ATXN7: variants seen among roughly 807,000 people sequenced by gnomAD.
ATXN7 encodes ataxin-7.
ATXN7 carries 12 observed loss-of-function variants against 70.5 expected under a neutral mutation model. That is an observed-to-expected ratio of 0.17 (90% confidence interval 0.11 to 0.28). The LOEUF (loss-of-function observed/expected upper bound fraction) is 0.28. ATXN7 is among the 10% of genes least tolerant of loss of function. ATXN7 has a pLI of 1.00. For missense variants in ATXN7, 1,256 were observed against 1,131.7 expected (o/e 1.11, Z -1.58); for synonymous variants, 498 against 448.7 (o/e 1.11, Z -1.39).
chr3:63,974,084 G>A (rs1427055739), intron 5 of ATXN7, among the ~76,000 whole-genome samples: 3 of 151,978 alleles, frequency 2.0e-5, no homozygotes, highest in East Asian at 3.9e-4. Flanking sequence ...GGGTTTCGTC[G>A]GAGACCCTCC....
rs919026295 is a variant in ATXN7, at chr3:63,912,708, A to C, written c.110A>C (p.Gln37Pro). The C allele has an allele frequency of 8.3e-7, 1 of 1,197,692 alleles. No homozygotes were observed. The highest frequency in any genetic ancestry group is 3.3e-5 in the South Asian group (1 of 30,412). 74.2% of individuals were successfully genotyped at this position (1,197,692 alleles called of 1,614,324 possible). Reference sequence around the variant, plus strand: ...CGGCAGCAGCAGCAGCAGCAGCAGCAGCAGCAGCCGCCGCCTCCGCAGCCC... The same window carrying C: ...CGGCAGCAGCAGCAGCAGCAGCAGCCGCAGCAGCCGCCGCCTCCGCAGCCC... ...AARQQQQQQQQQQPPPPQPQR... is the reference protein window; with the variant it reads ...AARQQQQQQQPQQPPPPQPQR... The change falls in exon 3 of 13, where the codon CAG (glutamine) becomes CCG (proline). Residue 37 changes from glutamine (Q) to proline (P), a missense_variant. Transcript: ENST00000674280.
chr3:63,989,868 TC>T (rs762809868), intron 9 of ATXN7, among the ~76,000 whole-genome samples: 4 of 152,292 alleles, frequency 2.6e-5, no homozygotes, highest in African/African-American at 4.8e-5. Context: ...TCTGTTAAAT[TC>T]CACATGTATT....
At chr3:63,868,743 C>T (rs992058999) in intron 1 of ATXN7, among the ~76,000 whole-genome samples, 10 of 152,108 alleles carry the variant, frequency 6.6e-5, no homozygotes, top group Non-Finnish European at 1.0e-4. Context: ...AACATTTTCT[C>T]TTCACTTATA....
intron 2 of ATXN7, among the ~76,000 whole-genome samples, chr3:63,907,739 C>T (rs1488389276): frequency 1.3e-5 from 2 of 151,722 alleles, no homozygotes; most frequent in East Asian, 1.9e-4. Flanking sequence ...CAGACCATCA[C>T]GCCTGGCCTC....
At chr3:63,887,561 A>G (rs1703127275) in intron 1 of ATXN7, among the ~76,000 whole-genome samples, 1 of 152,078 alleles carries the variant, frequency 6.6e-6, no homozygotes, top group Admixed American at 6.6e-5. Context: ...TATCTGTTAG[A>G]TGGATCTCTG....
chr3:63,882,309 A>G (rs1454179465), intron 1 of ATXN7, among the ~76,000 whole-genome samples: 1 of 151,928 alleles, frequency 6.6e-6, no homozygotes, highest in South Asian at 2.1e-4. Context: ...TACACAGTGC[A>G]TGGTATAAAA....
intron 4 of ATXN7, among the ~76,000 whole-genome samples, chr3:63,929,269 CT>C (rs1029963204): frequency 0.14 from 18,565 of 136,460 alleles, 840 homozygotes; most frequent in Middle Eastern, 0.18. Flanking sequence ...CTCTCTCTCT[CT>C]TTTTTTTTTT....
At chr3:63,898,927 A>G (rs913772929) in intron 2 of ATXN7, among the ~76,000 whole-genome samples, 37 of 152,224 alleles carry the variant, frequency 2.4e-4, no homozygotes, top group Non-Finnish European at 5.9e-5. Flanking sequence ...ATCATCAGCA[A>G]GACTGTAAAA....
intron 4 of ATXN7, among the ~76,000 whole-genome samples, chr3:63,947,405 T>C (rs1352506611): frequency 6.6e-6 from 1 of 152,098 alleles, no homozygotes; most frequent in Non-Finnish European, 1.5e-5. Flanking sequence ...GGCAACATAG[T>C]GAGACCCCTG....
chr3:63,925,690 G>T (rs1399997172), intron 4 of ATXN7, among the ~76,000 whole-genome samples: 1 of 152,192 alleles, frequency 6.6e-6, no homozygotes, highest in Non-Finnish European at 1.5e-5. Context: ...GATAGTGGGA[G>T]TGTGTGCCCA....
chr3:63,967,735 C>G, intron 5 of ATXN7: 1 of 1,393,026 alleles, frequency 7.2e-7, no homozygotes, highest in Non-Finnish European at 9.3e-7. Flanking sequence ...AAATTAGACT[C>G]CACCCCCTGT....
At chr3:63,972,999 C>T (rs2075338353) in intron 5 of ATXN7, among the ~76,000 whole-genome samples, 1 of 152,132 alleles carries the variant, frequency 6.6e-6, no homozygotes, top group Non-Finnish European at 1.5e-5. Context: ...AGTACTTGGT[C>T]CACAGTAGGC....
intron 5 of ATXN7, among the ~76,000 whole-genome samples, chr3:63,953,567 G>A (rs2074990020): frequency 6.6e-6 from 1 of 152,150 alleles, no homozygotes; most frequent in Non-Finnish European, 1.5e-5. Flanking sequence ...ACAGAAGTAG[G>A]GGGAATAGTT....
intron 12 of ATXN7, among the ~76,000 whole-genome samples, chr3:63,996,960 T>A (rs1023945713): frequency 2.6e-5 from 4 of 152,146 alleles, no homozygotes; most frequent in African/African-American, 9.7e-5. Context: ...AGGGGTGATT[T>A]AAGATTTAAA....
intron 1 of ATXN7, among the ~76,000 whole-genome samples, chr3:63,875,963 G>T (rs1702738265): frequency 6.6e-6 from 1 of 152,082 alleles, no homozygotes; most frequent in South Asian, 2.1e-4. Context: ...TGTAGCTTTT[G>T]GAACCTTGTT....
At chr3:63,863,541 G>A, upstream of ATXN7, 1 of 1,195,184 alleles carries the variant, frequency 8.4e-7, no homozygotes, top group Non-Finnish European at 1.0e-6. Context: ...AGCGGACGGG[G>A]AAAGCCGAGG....
chr3:63,863,773 G>T (rs1213290117), upstream of ATXN7: 32 of 1,252,314 alleles, frequency 2.6e-5, no homozygotes, highest in Non-Finnish European at 3.2e-5. Flanking sequence ...GGGCCTCACC[G>T]TCAGTCACGG....
chr3:63,884,402 A>G (rs1157451512), intron 1 of ATXN7, among the ~76,000 whole-genome samples: 1 of 152,162 alleles, frequency 6.6e-6, no homozygotes, highest in Non-Finnish European at 1.5e-5. Context: ...AACCCAATAT[A>G]TAAAATAAAT....
chr3:63,956,258 C>T (rs2075036595), intron 5 of ATXN7, among the ~76,000 whole-genome samples: 1 of 151,740 alleles, frequency 6.6e-6, no homozygotes, highest in Non-Finnish European at 1.5e-5. Context: ...TGTGAAACCC[C>T]GTCTGTACTA....
Sources: gnomAD v4.1 joint callset for allele counts (sites outside exome capture counted in the v4.1 genomes callset) on GRCh38, gnomAD v4.1.1 for gene constraint, MANE v1.5 for transcripts, NCBI Gene and HGNC (gene_info 2026-07-23, HGNC 2026-07-21) for gene names.